VEPH1: variants seen among roughly 807,000 people sequenced by gnomAD.
VEPH1 encodes ventricular zone expressed PH domain containing 1.
VEPH1 carries 80 observed loss-of-function variants against 85.2 expected under a neutral mutation model. The observed-to-expected ratio is 0.94, with a 90% CI of 0.78 to 1.13. VEPH1 has a LOEUF of 1.13. Among genes scored for constraint, VEPH1 ranks in the 50% most tolerant of loss-of-function variants. The pLI is 0.00. For missense variants in VEPH1, 955 were observed against 980.5 expected, an observed-to-expected ratio of 0.97 and a Z score of 0.35; for synonymous variants, 297 against 348.0, an observed-to-expected ratio of 0.85 and a Z score of 1.63.
chr3:157,265,693 G>A (rs1041098413), intron 12 of VEPH1, 31 bp from the exon 13 acceptor site: 8 of 1,608,402 alleles, frequency 5.0e-6, no homozygotes, highest in Non-Finnish European at 5.9e-6. Context: ...ATCATGCCAT[G>A]TATTTTCCAA....
At chr3:157,407,872 G>C (rs1050725440) in intron 6 of VEPH1, among the ~76,000 whole-genome samples, 1 of 152,116 alleles carries the variant, frequency 6.6e-6, no homozygotes, top group East Asian at 1.9e-4. Flanking sequence ...ACAAACCTAA[G>C]AGGTGAATAA....
At chr3:157,452,488 T>A (rs1388677703) in intron 4 of VEPH1, among the ~76,000 whole-genome samples, 1 of 152,204 alleles carries the variant, frequency 6.6e-6, no homozygotes, top group Admixed American at 6.5e-5. Context: ...TGTCTAGTAC[T>A]CAATTTTGTC....
intron 11 of VEPH1, among the ~76,000 whole-genome samples, chr3:157,312,030 T>C (rs1168556161): frequency 6.6e-6 from 1 of 152,250 alleles, no homozygotes; most frequent in Non-Finnish European, 1.5e-5. Flanking sequence ...ATGCTCATTT[T>C]TCATATTATT....
chr3:157,497,300 T>C (rs1739740166), intron 1 of VEPH1, among the ~76,000 whole-genome samples: 1 of 152,178 alleles, frequency 6.6e-6, no homozygotes, highest in South Asian at 2.1e-4. Flanking sequence ...CCCTGAGATT[T>C]AGAGCAACCA....
intron 12 of VEPH1, among the ~76,000 whole-genome samples, chr3:157,282,474 A>G (rs2108351321): frequency 6.6e-6 from 1 of 152,366 alleles, no homozygotes; most frequent in Admixed American, 6.5e-5. Context: ...TTAGAACCCA[A>G]GAAGACCTTC....
intron 9 of VEPH1, among the ~76,000 whole-genome samples, chr3:157,359,211 G>A (rs1725776385): frequency 6.6e-6 from 1 of 152,106 alleles, no homozygotes; most frequent in Non-Finnish European, 1.5e-5. Context: ...CTTCAGTTAT[G>A]GGCCAGATTT....
chr3:157,359,217 G>C (rs1725777474), intron 9 of VEPH1, among the ~76,000 whole-genome samples: 1 of 152,194 alleles, frequency 6.6e-6, no homozygotes, highest in African/African-American at 2.4e-5. Context: ...TTATGGGCCA[G>C]ATTTCCAAGG....
chr3:157,452,377 A>T (rs1735042599), intron 4 of VEPH1, among the ~76,000 whole-genome samples: 1 of 152,208 alleles, frequency 6.6e-6, no homozygotes, highest in East Asian at 1.9e-4. Flanking sequence ...AAAGTTTGTC[A>T]TGTGAAAGAG....
At chr3:157,492,879 A>G (rs2109736775) in intron 2 of VEPH1, among the ~76,000 whole-genome samples, 1 of 152,278 alleles carries the variant, frequency 6.6e-6, no homozygotes, top group Non-Finnish European at 1.5e-5. Flanking sequence ...CAGGCCTTAA[A>G]AGGAGCAGTG....
chr3:157,395,242 CTGAG>C (rs933900132), intron 6 of VEPH1, among the ~76,000 whole-genome samples: 3 of 152,164 alleles, frequency 2.0e-5, no homozygotes, highest in African/African-American at 7.2e-5. Context: ...AATCCATATC[CTGAG>C]TAAGAATATT....
intron 4 of VEPH1, chr3:157,437,149 G>T (rs1733662946): frequency 6.6e-7 from 1 of 1,514,712 alleles, no homozygotes; most frequent in African/African-American, 1.4e-5. Flanking sequence ...TTTGTGGCCA[G>T]TGAGACAAGT....
chr3:157,495,576 G>A, intron 1 of VEPH1, 70 bp from the exon 2 acceptor site: 1 of 984,038 alleles, frequency 1.0e-6, no homozygotes, highest in East Asian at 3.1e-5. Flanking sequence ...TGAACTCAGT[G>A]TCCAGCGGAG....
intron 7 of VEPH1, among the ~76,000 whole-genome samples, chr3:157,370,580 C>G (rs1727376010): frequency 6.6e-6 from 1 of 152,158 alleles, no homozygotes; most frequent in African/African-American, 2.4e-5. Context: ...AATAATGCTG[C>G]TGGAACACCT....
chr3:157,345,581 G>A (rs146104344), intron 9 of VEPH1, among the ~76,000 whole-genome samples: 31 of 152,304 alleles, frequency 2.0e-4, no homozygotes, highest in African/African-American at 6.7e-4. Flanking sequence ...CACTGTTGAT[G>A]GGACTATAAA....
At chr3:157,492,755 T>A (rs1463174829) in intron 2 of VEPH1, among the ~76,000 whole-genome samples, 1 of 152,128 alleles carries the variant, frequency 6.6e-6, no homozygotes. Context: ...TTGTCAGGGT[T>A]CTTTGATCAT....
Position 157,369,180 on chromosome 3 carries a change from G to GAAAAAAAAAAAAAAAAAAAAAA in VEPH1, c.1128-4690_1128-4669dup, listed in dbSNP as rs58451868. On this transcript the variant is annotated intron_variant, in intron 7 of 13. Coordinates refer to ENST00000362010, the MANE Select transcript of VEPH1 (RefSeq NM_001167912.2). Reference sequence around the variant, plus strand: ...ACAACAACAACAACAAAAACCAAATGAAAAAAAAAAAAAAAAAAAAAAAAC... The same window carrying GAAAAAAAAAAAAAAAAAAAAAA: ...ACAACAACAACAACAAAAACCAAATGAAAAAAAAAAAAAAAAAAAAAAAAAAAAAAAAAAAAAAAAAAAAAAC... Among the ~76,000 whole-genome samples, 53 of 42,782 alleles carry GAAAAAAAAAAAAAAAAAAAAAA rather than the reference G, an allele frequency of 1.2e-3. 7 individuals carry two copies. The highest frequency in any genetic ancestry group is 2.5e-3 in the Admixed American group (5 of 2,024). 28.1% of individuals were successfully genotyped at this position (42,782 alleles called of 152,430 possible).
chr3:157,430,662 G>A (rs148996329), intron 4 of VEPH1, among the ~76,000 whole-genome samples: 166 of 152,278 alleles, frequency 1.1e-3, no homozygotes, highest in African/African-American at 3.7e-3. Flanking sequence ...GGGTTTGAGC[G>A]TCTGAATTTC....
chr3:157,428,488 C>A lies in VEPH1; in HGVS notation c.530G>T (p.Gly177Val). 1.2e-6 allele frequency: 2 copies of A among 1,613,198 alleles called. No homozygotes were observed. The highest frequency in any genetic ancestry group is 3.3e-4 in the Middle Eastern group (2 of 6,056). Residue 177 changes from glycine (G) to valine (V), a missense_variant and splice_region_variant, in exon 5 of 14, where the codon GGT becomes GTT. Physicochemically the swap from Gly to Val is moderately radical, Grantham distance 109 (BLOSUM62 -3). Coordinates refer to ENST00000362010, the MANE Select transcript of VEPH1 (RefSeq NM_001167912.2). ...TEVIVKSILQGNTMLLRVLPA... is the reference protein window; with the variant it reads ...TEVIVKSILQVNTMLLRVLPA... ...TAACACTCTCAACAACATGGTGTTACCTGTTGAGGGAACAATAAAGGGAAT... is the reference window on the plus strand; with the variant it reads ...TAACACTCTCAACAACATGGTGTTAACTGTTGAGGGAACAATAAAGGGAAT...
intron 2 of VEPH1, among the ~76,000 whole-genome samples, chr3:157,487,174 G>T (rs967581109): frequency 1.4e-4 from 22 of 151,842 alleles, no homozygotes; most frequent in African/African-American, 5.3e-4. Flanking sequence ...GACTTAAAAA[G>T]AAATTAATAA....
Sources: gnomAD v4.1 joint callset for allele counts (sites outside exome capture counted in the v4.1 genomes callset) on GRCh38, gnomAD v4.1.1 for gene constraint, MANE v1.5 for transcripts, NCBI Gene and HGNC (gene_info 2026-07-23, HGNC 2026-07-21) for gene names.